DTNB: variants seen among roughly 807,000 people sequenced by gnomAD.
DTNB encodes DTN-B.
DTNB carries 63 observed loss-of-function variants against 90.7 expected under a neutral mutation model. That is an observed-to-expected ratio of 0.69 (90% CI 0.57 to 0.86). The LOEUF is 0.86. DTNB is among the 40% of genes least tolerant of loss of function. DTNB has a pLI of 0.00. For synonymous variants in DTNB, 277 were observed against 286.7 expected (o/e 0.97, Z 0.34); for missense variants, 744 against 807.1 (o/e 0.92, Z 0.95).
intron 4 of DTNB, among the ~76,000 whole-genome samples, chr2:25,624,657 GA>G (rs2073712141): frequency 6.6e-6 from 1 of 152,188 alleles, no homozygotes; most frequent in South Asian, 2.1e-4. Context: ...GTTGGAAATA[GA>G]AAGGGGATTT....
At chr2:25,536,121 G>A (rs2079665652) in intron 8 of DTNB, among the ~76,000 whole-genome samples, 1 of 151,568 alleles carries the variant, frequency 6.6e-6, no homozygotes, top group African/African-American at 2.4e-5. Flanking sequence ...GCCGGGCAGA[G>A]GCACTCCTCA....
At chr2:25,606,381 C>T (rs140540443) in intron 5 of DTNB, among the ~76,000 whole-genome samples, 122 of 152,270 alleles carry the variant, frequency 8.0e-4, no homozygotes, top group African/African-American at 2.8e-3. Context: ...ACACGTGTGT[C>T]TCCTGCTACA....
chr2:25,429,070 G>A (rs1308987110), intron 14 of DTNB, among the ~76,000 whole-genome samples: 3 of 152,126 alleles, frequency 2.0e-5, no homozygotes, highest in Admixed American at 6.5e-5. Flanking sequence ...CTAGCCACGC[G>A]TGACTACCGA....
chr2:25,464,778 C>T (rs572955547), intron 10 of DTNB, among the ~76,000 whole-genome samples: 26 of 152,312 alleles, frequency 1.7e-4, no homozygotes, highest in Non-Finnish European at 3.4e-4. Context: ...TCTTCTTCCC[C>T]TAAACCCATA....
intron 2 of DTNB, among the ~76,000 whole-genome samples, chr2:25,646,288 C>T (rs1217246224): frequency 6.6e-6 from 1 of 151,936 alleles, no homozygotes; most frequent in African/African-American, 2.4e-5. Context: ...CCAGCCTGAC[C>T]AACATGGTGA....
At chr2:25,668,066 C>A (rs1005978558) in intron 1 of DTNB, among the ~76,000 whole-genome samples, 10 of 152,032 alleles carry the variant, frequency 6.6e-5, no homozygotes, top group Middle Eastern at 3.4e-3. Context: ...GGTGAAACCC[C>A]GTCTCTACTA....
intron 8 of DTNB, among the ~76,000 whole-genome samples, chr2:25,554,224 A>G (rs950920530): frequency 1.1e-4 from 17 of 152,230 alleles, no homozygotes; most frequent in Admixed American, 7.9e-4. Flanking sequence ...CCTGGGTGGG[A>G]AGCATTCAAA....
rs1559299521 is a variant in DTNB at position 25,628,363 on chromosome 2, T to C, written c.170A>G (p.Asn57Ser). 1.9e-6 allele frequency: 3 copies of C among 1,613,388 alleles called. No homozygotes were observed. The highest frequency in any genetic ancestry group is 2.5e-6 in the Non-Finnish European group (3 of 1,179,716). ...RCNLHLVDIW[N>S]MIEAFRDNGL... ...ATTGTCTCGGAAGGCTTCAATCATG[T>C]TCCAGATATCAACAAGATGAACTAA... The change falls in exon 4 of 21, where the codon AAC (asparagine) becomes AGC (serine). Residue 57 changes from asparagine to serine, a missense_variant. By Grantham distance (46) the Asn-to-Ser change is conservative. Coordinates refer to ENST00000406818, the MANE Select transcript of DTNB (RefSeq NM_021907.5).
chr2:25,512,912 C>T (rs937036203), intron 9 of DTNB, among the ~76,000 whole-genome samples: 2 of 152,176 alleles, frequency 1.3e-5, no homozygotes, highest in African/African-American at 2.4e-5. Flanking sequence ...AGGTGGGTCC[C>T]GATTACACAG....
chr2:25,477,992 T>C (rs3100633), intron 10 of DTNB, among the ~76,000 whole-genome samples: 5 of 147,574 alleles, frequency 3.4e-5, no homozygotes, highest in Non-Finnish European at 5.9e-5. Flanking sequence ...CTCTTCTTTT[T>C]CTTTGTTCTT....
intron 9 of DTNB, among the ~76,000 whole-genome samples, chr2:25,515,842 G>A (rs2075004520): frequency 6.6e-6 from 1 of 152,104 alleles, no homozygotes; most frequent in African/African-American, 2.4e-5. Context: ...CTCCCAAAGT[G>A]CTGGGATTAC....
At chr2:25,567,201 G>GT (rs1353825339) in intron 8 of DTNB, among the ~76,000 whole-genome samples, 1 of 152,196 alleles carries the variant, frequency 6.6e-6, no homozygotes, top group African/African-American at 2.4e-5. Flanking sequence ...AAAGTTAATT[G>GT]TTTAATTATG....
intron 1 of DTNB, among the ~76,000 whole-genome samples, chr2:25,653,519 T>TTTC (rs1559399607): frequency 1.2e-3 from 159 of 130,272 alleles, no homozygotes; most frequent in African/African-American, 4.1e-3. Context: ...TTCTTTCTTT[T>TTTC]TTTTTTTTTT....
chr2:25,581,355 T>G (rs1237130665), intron 6 of DTNB, among the ~76,000 whole-genome samples: 1 of 152,152 alleles, frequency 6.6e-6, no homozygotes, highest in African/African-American at 2.4e-5. Context: ...CACCTAGACA[T>G]CATTTAACAA....
intron 9 of DTNB, among the ~76,000 whole-genome samples, chr2:25,498,551 T>C (rs746627313): frequency 2.6e-5 from 4 of 152,092 alleles, no homozygotes; most frequent in Non-Finnish European, 4.4e-5. Context: ...TGGGTAAAAT[T>C]AATTACAGGA....
At chr2:25,627,143 T>C (rs1358360590) in intron 4 of DTNB, among the ~76,000 whole-genome samples, 1 of 152,232 alleles carries the variant, frequency 6.6e-6, no homozygotes, top group Admixed American at 6.5e-5. Context: ...CCAGGTGTGG[T>C]GGCTCACACC....
At chr2:25,418,846 C>G (rs2048604703) in intron 16 of DTNB, among the ~76,000 whole-genome samples, 1 of 152,078 alleles carries the variant, frequency 6.6e-6, no homozygotes, top group Non-Finnish European at 1.5e-5. Flanking sequence ...ACATATGGTG[C>G]TAATATTGTA....
chr2:25,424,758 C>A lies in DTNB; in HGVS notation c.1554+2777G>T, dbSNP rs1314887429. Among the ~76,000 whole-genome samples, 4 of 151,874 alleles carry A rather than the reference C, an allele frequency of 2.6e-5. No homozygotes were observed. The highest frequency in any genetic ancestry group is 2.6e-4 in the Admixed American group (4 of 15,226). On this transcript the variant is annotated intron_variant, in intron 15 of 20. Transcript: ENST00000406818. The surrounding 1 kb of genome is among the most constrained non-coding windows in gnomAD (Gnocchi z 4.1). Reference sequence around the variant, plus strand: ...TCTCTGCTCACTGCAGCCTCCACCTCCTGGGCTTAAGCGATCCTCCCACCT... The same window carrying A: ...TCTCTGCTCACTGCAGCCTCCACCTACTGGGCTTAAGCGATCCTCCCACCT...
intron 12 of DTNB, among the ~76,000 whole-genome samples, chr2:25,445,645 T>C (rs183752091): frequency 4.7e-4 from 71 of 152,276 alleles, no homozygotes; most frequent in African/African-American, 1.7e-3. Flanking sequence ...AGCCACAATG[T>C]CAACTTTCAG....
Sources: allele counts gnomAD v4.1 joint callset (sites outside exome capture counted in the v4.1 genomes callset), GRCh38; gene constraint gnomAD v4.1.1; non-coding constraint Gnocchi (gnomAD v3.1); transcripts MANE v1.5; gene names NCBI Gene and HGNC (gene_info 2026-07-23, HGNC 2026-07-21).